Variants in STXBP5L observed in about 807,000 individuals in gnomAD.
STXBP5L encodes the protein syntaxin binding protein 5L.
A neutral mutation model predicts 144.5 loss-of-function variants in STXBP5L; 65 were observed. The observed-to-expected ratio is 0.45, with a 90% CI of 0.37 to 0.55. The LOEUF (loss-of-function observed/expected upper bound fraction) is 0.55, where lower values mean the gene tolerates loss of function less well. Among genes scored for constraint, STXBP5L ranks in the 20% least tolerant of loss-of-function variants. The pLI, the probability that STXBP5L is intolerant of heterozygous loss-of-function variation, is 0.00. For missense variants in STXBP5L, 1,298 were observed against 1,405.5 expected, an observed-to-expected ratio of 0.92 and a Z score of 1.22; for synonymous variants, 505 against 469.6, an observed-to-expected ratio of 1.08 and a Z score of -0.97.
rs186155797 is a variant in STXBP5L at position 121,234,164 on chromosome 3, A to G, written c.1184+476A>G. Among the ~76,000 whole-genome samples the G allele has an allele frequency of 9.9e-5, 15 of 152,272 alleles. No homozygotes were observed. The East Asian group carries it at 2.9e-3, about 29-fold the overall frequency. On this transcript the variant is annotated intron_variant, in intron 12 of 26. Coordinates refer to ENST00000471454, the MANE Select transcript of STXBP5L (RefSeq NM_001308330.2). ...ATTGAAACAACTGTAGAATAATGCT[A>G]TAATAGTGGTGCTCTCCACTCCTTT...
At chr3:121,226,845 C>T (rs1161962948) in intron 11 of STXBP5L, among the ~76,000 whole-genome samples, 1 of 152,136 alleles carries the variant, frequency 6.6e-6, no homozygotes, top group Non-Finnish European at 1.5e-5. Flanking sequence ...AGCTAGATGG[C>T]CAGACCAAGT....
intron 19 of STXBP5L, among the ~76,000 whole-genome samples, chr3:121,300,387 A>G (rs2108487981): frequency 6.6e-6 from 1 of 152,302 alleles, no homozygotes; most frequent in South Asian, 2.1e-4. Flanking sequence ...ATAAAAAGGT[A>G]TTTTGTCTTT....
intron 5 of STXBP5L, among the ~76,000 whole-genome samples, chr3:121,071,630 C>G (rs1302011700): frequency 6.6e-6 from 1 of 152,254 alleles, no homozygotes; most frequent in East Asian, 1.9e-4. Context: ...AATATGGGGA[C>G]CATCCCATAA....
intron 9 of STXBP5L, among the ~76,000 whole-genome samples, chr3:121,205,666 G>T (rs191019799): frequency 4.6e-5 from 7 of 152,258 alleles, no homozygotes; most frequent in Admixed American, 1.3e-4. Context: ...TATGTGTGAA[G>T]GATGTAAAGT....
intron 3 of STXBP5L, among the ~76,000 whole-genome samples, chr3:121,004,535 C>T (rs961471324): frequency 1.3e-5 from 2 of 151,624 alleles, no homozygotes; most frequent in African/African-American, 4.9e-5. Flanking sequence ...AATTGAATAC[C>T]CTTTATTTCC....
At chr3:121,122,611 A>T (rs1338998780) in intron 7 of STXBP5L, among the ~76,000 whole-genome samples, 2 of 151,530 alleles carry the variant, frequency 1.3e-5, no homozygotes, top group Non-Finnish European at 3.0e-5. Flanking sequence ...AAGATGTCTG[A>T]GGACATAATT....
intron 3 of STXBP5L, among the ~76,000 whole-genome samples, chr3:121,000,322 T>A (rs1405251852): frequency 6.6e-6 from 1 of 152,194 alleles, no homozygotes; most frequent in African/African-American, 2.4e-5. Flanking sequence ...TCTTTTTTCC[T>A]TATTTTTTTC....
intron 3 of STXBP5L, among the ~76,000 whole-genome samples, chr3:121,008,901 G>A (rs1419574908): frequency 6.6e-6 from 1 of 151,368 alleles, no homozygotes; most frequent in Admixed American, 6.6e-5. Context: ...TTTCCAGGAT[G>A]GAATAGTTTC....
At chr3:121,308,082 GAAC>G (rs1370319562) in intron 19 of STXBP5L, among the ~76,000 whole-genome samples, 2 of 152,146 alleles carry the variant, frequency 1.3e-5, no homozygotes, top group Non-Finnish European at 1.5e-5. Flanking sequence ...ATCCAGAGGG[GAAC>G]AACACACTGG....
At chr3:121,027,794 C>A (rs2107490374) in intron 3 of STXBP5L, among the ~76,000 whole-genome samples, 1 of 152,172 alleles carries the variant, frequency 6.6e-6, no homozygotes, top group Non-Finnish European at 1.5e-5. Context: ...ATAACATATT[C>A]AAAGGTTTCA....
intron 5 of STXBP5L, among the ~76,000 whole-genome samples, chr3:121,096,269 G>C (rs1057265771): frequency 1.3e-5 from 2 of 152,068 alleles, no homozygotes; most frequent in African/African-American, 2.4e-5. Flanking sequence ...CTTTCTTCAC[G>C]CTTCTTAGCT....
chr3:121,182,822 A>T (rs193030548), intron 9 of STXBP5L, among the ~76,000 whole-genome samples: 3 of 152,346 alleles, frequency 2.0e-5, no homozygotes, highest in Admixed American at 6.5e-5. Flanking sequence ...AGATATTACA[A>T]CCGATACCTT....
chr3:121,348,877 T>C (rs1263776654), intron 20 of STXBP5L, among the ~76,000 whole-genome samples: 5 of 152,124 alleles, frequency 3.3e-5, no homozygotes, highest in Non-Finnish European at 7.3e-5. Context: ...ACTAGCAGTC[T>C]ATCAATTTTG....
chr3:121,380,648 G>A (rs2046303325), intron 21 of STXBP5L, among the ~76,000 whole-genome samples: 1 of 151,938 alleles, frequency 6.6e-6, no homozygotes, highest in African/African-American at 2.4e-5. Flanking sequence ...CTATCAACAG[G>A]ATGGCATATA....
intron 5 of STXBP5L, among the ~76,000 whole-genome samples, chr3:121,082,373 T>C (rs932157235): frequency 2.0e-5 from 3 of 152,184 alleles, no homozygotes; most frequent in Non-Finnish European, 1.5e-5. Flanking sequence ...GTGAGTGGTA[T>C]TTTTAAATTT....
At chr3:121,121,255 A>G (rs1375143157) in intron 6 of STXBP5L, among the ~76,000 whole-genome samples, 2 of 151,262 alleles carry the variant, frequency 1.3e-5, no homozygotes, top group African/African-American at 2.4e-5. Context: ...TCAGGTATGT[A>G]CTTTGCAATT....
chr3:121,106,710 G>A (rs2043730016), intron 5 of STXBP5L, among the ~76,000 whole-genome samples: 1 of 152,186 alleles, frequency 6.6e-6, no homozygotes, highest in Non-Finnish European at 1.5e-5. Context: ...ACATATGCAT[G>A]TATATATCTT....
chr3:121,384,425 A>C (rs977064680), intron 22 of STXBP5L, among the ~76,000 whole-genome samples: 5 of 151,988 alleles, frequency 3.3e-5, no homozygotes, highest in African/African-American at 1.2e-4. Flanking sequence ...GCATTTTCGA[A>C]GACCAAAGTG....
intron 3 of STXBP5L, among the ~76,000 whole-genome samples, chr3:120,973,561 T>C (rs1229869048): frequency 6.6e-6 from 1 of 152,152 alleles, no homozygotes; most frequent in Non-Finnish European, 1.5e-5. Context: ...TTTTTTATTA[T>C]ACTTTAGTTT....
Sources: gnomAD v4.1 joint callset for allele counts (sites outside exome capture counted in the v4.1 genomes callset) on GRCh38, gnomAD v4.1.1 for gene constraint, MANE v1.5 for transcripts, NCBI Gene and HGNC (gene_info 2026-07-23, HGNC 2026-07-21) for gene names.